Variants in TESMIN observed in about 807,000 individuals in gnomAD.
The protein encoded by TESMIN is CXC domain containing 2.
TESMIN carries 34 observed loss-of-function variants against 47.4 expected under a neutral mutation model. The observed-to-expected ratio is 0.72, with a 90% confidence interval of 0.55 to 0.96. The LOEUF (loss-of-function observed/expected upper bound fraction) is 0.96. Ranked by LOEUF, TESMIN falls within the 40% of genes least tolerant of loss-of-function variation. The pLI is 0.00. For synonymous variants in TESMIN, 278 were observed against 258.9 expected (o/e 1.07, Z -0.71); for missense variants, 610 against 637.2 (o/e 0.96, Z 0.46).
chr11:68,718,822 G>T (rs2153991030), intron 6 of TESMIN, among the ~76,000 whole-genome samples: 1 of 152,284 alleles, frequency 6.6e-6, no homozygotes, highest in South Asian at 2.1e-4. Context: ...ATGCAGTAAG[G>T]CCTTCAAAAG....
intron 8 of TESMIN, among the ~76,000 whole-genome samples, chr11:68,711,691 T>C (rs1463399192): frequency 6.6e-6 from 1 of 152,238 alleles, no homozygotes; most frequent in South Asian, 2.1e-4. Flanking sequence ...GCTATTATGC[T>C]GGTTCTATGG....
intron 6 of TESMIN, among the ~76,000 whole-genome samples, chr11:68,719,792 C>A (rs1393821709): frequency 2.0e-5 from 3 of 152,120 alleles, no homozygotes; most frequent in South Asian, 2.1e-4. Context: ...AGACAGATTG[C>A]AAATATACAA....
At chr11:68,706,988 C>T (rs7120966), downstream of TESMIN, among the ~76,000 whole-genome samples, 12 of 152,290 alleles carry the variant, frequency 7.9e-5, no homozygotes, top group African/African-American at 2.4e-4. Context: ...CCTCCCTGTT[C>T]GCCGCGATGC....
rs1244781879 is a variant in TESMIN at position 68,750,619 on chromosome 11, C to T, written c.42G>A (p.Glu14=). 4 of 1,591,166 alleles carry T rather than the reference C, an allele frequency of 2.5e-6. No homozygotes were observed. Among genetic ancestry groups the T allele is most frequent in the Non-Finnish European group, 2.6e-6 (3 of 1,168,266 alleles). ...TTAAGAGCTCCGTCACCATCGCATC[C>T]TCGGGGCTGGGCAGCCCGCCCGGCA... ...GPLPGGLPSP[E]DAMVTELLSP... Residue 14 remains glutamate (E), a synonymous_variant, in exon 2 of 10, where the codon GAG becomes GAA. Transcript: ENST00000255087.
At chr11:68,747,018 G>A in intron 3 of TESMIN, 190 bp downstream of exon 3, 1 of 615,676 alleles carries the variant, frequency 1.6e-6, no homozygotes, top group Non-Finnish European at 2.9e-6. Flanking sequence ...CTAAGATGGA[G>A]TAGAAATGAG....
intron 3 of TESMIN, among the ~76,000 whole-genome samples, chr11:68,746,949 G>T (rs1359982456): frequency 6.6e-6 from 1 of 152,148 alleles, no homozygotes; most frequent in Admixed American, 6.5e-5. Flanking sequence ...ACTAACTGAT[G>T]TGATTTGTGC....
chr11:68,734,716 T>C (rs1392799241), intron 6 of TESMIN, among the ~76,000 whole-genome samples: 1 of 152,216 alleles, frequency 6.6e-6, no homozygotes, highest in Non-Finnish European at 1.5e-5. Flanking sequence ...GAACAGCACC[T>C]GGCACACAGT....
chr11:68,718,570 A>G (rs1041278576), intron 6 of TESMIN, among the ~76,000 whole-genome samples: 55 of 152,324 alleles, frequency 3.6e-4, no homozygotes, highest in African/African-American at 1.1e-3. Context: ...AGGGGATACA[A>G]TAATTCCAGA....
At position 68,751,505 on chromosome 11, in the gene TESMIN, G is replaced by C. The variant is rs371196814; in HGVS notation, c.-125C>G. The C allele has an allele frequency of 6.6e-6, 1 of 152,494 alleles. No individual in the cohort carries two copies. Among genetic ancestry groups the C allele is most frequent in the Non-Finnish European group, 1.5e-5 (1 of 68,444 alleles). 9.4% of individuals were successfully genotyped at this position (152,494 alleles called of 1,614,324 possible). A position where few individuals can be genotyped will look rare whatever the true frequency, so the allele number is the denominator to read the frequency against. On this transcript the variant is annotated 5_prime_UTR_variant, in exon 1 of 10. Transcript: ENST00000255087. Reference sequence around the variant, plus strand: ...AGGCGCAGGCGGCCGTTGGCGGTTGGAGAAGGGGGAAGGGTGAGGGACAGG... The same window carrying C: ...AGGCGCAGGCGGCCGTTGGCGGTTGCAGAAGGGGGAAGGGTGAGGGACAGG...
intron 3 of TESMIN, among the ~76,000 whole-genome samples, chr11:68,746,208 A>C (rs1594303562): frequency 6.6e-6 from 1 of 151,662 alleles, no homozygotes; most frequent in Admixed American, 6.6e-5. Flanking sequence ...AAAGGCTCAG[A>C]GTGAACTCTG....
intron 5 of TESMIN, among the ~76,000 whole-genome samples, chr11:68,741,690 G>A (rs1284608735): frequency 6.6e-6 from 1 of 152,172 alleles, no homozygotes; most frequent in Non-Finnish European, 1.5e-5. Context: ...AGAGATGAAC[G>A]AGACACATAT....
chr11:68,710,848 A>G, intron 9 of TESMIN, 26 bp downstream of exon 9: 2 of 1,582,598 alleles, frequency 1.3e-6, no homozygotes, highest in Non-Finnish European at 1.7e-6. Flanking sequence ...TCCCTCTATT[A>G]GCAGAGGTTA....
At chr11:68,711,571 C>G (rs1946073073) in intron 8 of TESMIN, among the ~76,000 whole-genome samples, 1 of 152,086 alleles carries the variant, frequency 6.6e-6, no homozygotes, top group Admixed American at 6.6e-5. Flanking sequence ...GGGTGTTGCT[C>G]TCCCTTCTCT....
intron 6 of TESMIN, chr11:68,736,833 G>A: frequency 1.0e-6 from 1 of 979,780 alleles, no homozygotes; most frequent in Non-Finnish European, 1.2e-6. Flanking sequence ...AGGAGGAGGA[G>A]AATGGGAAGC....
rs760570548 is a variant in TESMIN, at chr11:68,708,406, T to C, written c.1429A>G (p.Lys477Glu). Residue 477 changes from lysine (K) to glutamate (E), a missense_variant, in exon 10 of 10, where the codon AAG becomes GAG. By Grantham distance (56) the Lys-to-Glu change is moderately conservative. Coordinates refer to ENST00000255087, the MANE Select transcript of TESMIN (RefSeq NM_004923.3). The stretch of plus-strand genomic sequence containing the variant: ...AGGATCATCTGCTCTGCCAGGCACT[T>C]GGAGCAGTGTTCTTTCTCGGCCTCT... ...GEEAEKEHCS[K>E]CLAEQMILEE... 7.4e-6 allele frequency: 12 copies of C among 1,614,226 alleles called. No individual in the cohort carries two copies. Among genetic ancestry groups the C allele is most frequent in the Non-Finnish European group, 9.3e-6 (11 of 1,180,026 alleles).
chr11:68,710,763 G>A (rs1946053954), intron 9 of TESMIN, 111 bp downstream of exon 9: 6 of 1,082,288 alleles, frequency 5.5e-6, no homozygotes, highest in South Asian at 3.4e-5. Context: ...CCAAACACAC[G>A]CCCGCCCCTG....
In TESMIN at chr11:68,708,260, G is replaced by A. The variant is rs367894994; in HGVS notation, c.*48C>T. 144 of 1,503,642 alleles carry A rather than the reference G, an allele frequency of 9.6e-5. 1 individual carries two copies. Among genetic ancestry groups the A allele is most frequent in the Non-Finnish European group, 1.1e-4 (118 of 1,114,952 alleles). The allele number at this position is 1,503,642 out of a possible 1,614,324, so 93.1% of individuals were successfully genotyped here. A position where few individuals can be genotyped will look rare whatever the true frequency, so the allele number is the denominator to read the frequency against. On this transcript the variant is annotated 3_prime_UTR_variant, in exon 10 of 10. Coordinates refer to ENST00000255087, the MANE Select transcript of TESMIN (RefSeq NM_004923.3). ...TCCCCTAAACATCCTTTCTAAACTAGAGATTTCTAGACTAAGACAAAATCA... is the reference window on the plus strand; with the variant it reads ...TCCCCTAAACATCCTTTCTAAACTAAAGATTTCTAGACTAAGACAAAATCA...
Position 68,737,933 on chromosome 11 carries a change from C to G in TESMIN, c.917+767G>C, listed in dbSNP as rs1008039771. 8 of 984,000 alleles carry G rather than the reference C, an allele frequency of 8.1e-6. No homozygotes were observed. In the African/African-American group the frequency reaches 1.4e-4, roughly 17 times the overall value. 61.0% of individuals were successfully genotyped at this position (984,000 alleles called of 1,614,324 possible). ...GTCTCAAAAAAACAAAACAAACAAA[C>G]AAACAAAAAACAAGAAAAAACAAAC... is the stretch of plus-strand genomic sequence containing the variant. On this transcript the variant is annotated intron_variant, in intron 6 of 9. Transcript: ENST00000255087.
chr11:68,716,102 C>G (rs979318429), intron 6 of TESMIN, among the ~76,000 whole-genome samples, 163 bp from the exon 7 acceptor site: 9 of 152,224 alleles, frequency 5.9e-5, no homozygotes, highest in African/African-American at 2.2e-4. Context: ...ACTAGATCAA[C>G]TAGGATAATG....
Sources: allele counts gnomAD v4.1 joint callset (sites outside exome capture counted in the v4.1 genomes callset), GRCh38; gene constraint gnomAD v4.1.1; transcripts MANE v1.5; gene names NCBI Gene and HGNC (gene_info 2026-07-23, HGNC 2026-07-21).